PDXK: variants seen among roughly 807,000 people sequenced by gnomAD.
PDXK encodes the protein epididymis secretory sperm binding protein Li 1a.
In PDXK, 15 loss-of-function variants were observed where a neutral mutation model predicts 43.2. The ratio of observed to expected loss-of-function variants is 0.35; its 90% CI spans 0.23 to 0.53. The LOEUF is 0.53. PDXK is among the 20% of genes least tolerant of loss of function. PDXK has a pLI of 0.92. For synonymous variants in PDXK, 172 were observed against 165.4 expected, an observed-to-expected ratio of 1.04 and a Z score of -0.31; for missense variants, 343 against 417.0, an observed-to-expected ratio of 0.82 and a Z score of 1.54.
intron 8 of PDXK, among the ~76,000 whole-genome samples, chr21:43,753,137 C>T (rs570868439): frequency 2.9e-4 from 44 of 152,288 alleles, no homozygotes; most frequent in African/African-American, 1.1e-3. Flanking sequence ...CACAAATGCA[C>T]ATACGGGCAC....
intron 2 of PDXK, among the ~76,000 whole-genome samples, chr21:43,736,629 G>GTTTTTTT (rs34234452): frequency 2.3e-4 from 27 of 118,644 alleles, no homozygotes; most frequent in African/African-American, 9.1e-4. Flanking sequence ...TCCTTTTTCT[G>GTTTTTTT]TTTTTTTTTT....
chr21:43,724,570 G>A (rs1270655848), intron 1 of PDXK, among the ~76,000 whole-genome samples: 3 of 151,948 alleles, frequency 2.0e-5, no homozygotes, highest in East Asian at 1.9e-4. Flanking sequence ...GCCCAGGTGC[G>A]GTGGCTCACA....
In PDXK at chr21:43,723,675, CAG is replaced by C. The variant is rs1220762764; in HGVS notation, c.87+4298_87+4299del. The C allele has an allele frequency of 5.2e-5, 8 of 152,398 alleles. No homozygotes were observed. In the East Asian group the frequency reaches 1.5e-3, roughly 29 times the overall value. The allele number at this position is 152,398 out of a possible 1,614,324, so 9.4% of individuals were successfully genotyped here. A position where few individuals can be genotyped will look rare whatever the true frequency, so the allele number is the denominator to read the frequency against. On this transcript the variant is annotated intron_variant, in intron 1 of 10. Coordinates refer to ENST00000291565, the MANE Select transcript of PDXK (RefSeq NM_003681.5). This position sits in a 1 kb window ranked among gnomAD's most constrained non-coding sequence, Gnocchi z 4.1. ...CTGTGAGTCTCCAAACTGGGCTGTG[CAG>C]AGATTGTCCCAAGCACGTCTGAGGC...
In PDXK at chr21:43,743,761, G is replaced by A. The variant is rs770296820; in HGVS notation, c.285G>A (p.Val95=). Residue 95 remains valine, a synonymous_variant, in exon 4 of 11, where the codon GTG becomes GTA. Coordinates refer to ENST00000291565, the MANE Select transcript of PDXK (RefSeq NM_003681.5). ...ACAAGTCGTTCCTGGCCATGGTGGT[G>A]GACATTGTGCAGGAGCTGAAGCAGC... is the stretch of plus-strand genomic sequence containing the variant. ...TRDKSFLAMV[V]DIVQELKQQN... 8 of 1,613,832 alleles carry A rather than the reference G, an allele frequency of 5.0e-6. 1 individual carries two copies. In the South Asian group the frequency reaches 8.8e-5, roughly 18 times the overall value.
chr21:43,741,933 TG>T (rs1394874014), intron 3 of PDXK, among the ~76,000 whole-genome samples, 162 bp downstream of exon 3: 3 of 152,056 alleles, frequency 2.0e-5, no homozygotes, highest in Middle Eastern at 3.4e-3. Context: ...CCCGGTAGCC[TG>T]GGGGGTCCTG....
rs1471851092 is a variant in PDXK at position 43,735,562 on chromosome 21, C to T, written c.142+1439C>T. On this transcript the variant is annotated intron_variant, in intron 2 of 10. Coordinates refer to ENST00000291565, the MANE Select transcript of PDXK (RefSeq NM_003681.5). This position sits in a 1 kb window ranked among gnomAD's most constrained non-coding sequence, Gnocchi z 5.3. ...GACCCCAGGCGCTTGGGAGCCTCCA[C>T]AGTTGCAGAGCCAGGCAGACAGCCT... Among the ~76,000 whole-genome samples the T allele has an allele frequency of 1.3e-5, 2 of 152,220 alleles. No individual in the cohort carries two copies. The highest frequency in any genetic ancestry group is 2.4e-5 in the African/African-American group (1 of 41,450).
chr21:43,728,607 G>C (rs1601785705), intron 1 of PDXK: 2 of 560,452 alleles, frequency 3.6e-6, no homozygotes, highest in Non-Finnish European at 4.5e-6. Context: ...CTGTCTGCCT[G>C]TCTGCCTCGC....
chr21:43,719,307 T>C lies in PDXK; in HGVS notation c.13T>C (p.Cys5Arg). Residue 5 changes from cysteine to arginine, a missense_variant, in exon 1 of 11, where the codon TGC becomes CGC. Physicochemically the swap from Cys to Arg is radical, Grantham distance 180. Coordinates refer to ENST00000291565, the MANE Select transcript of PDXK (RefSeq NM_003681.5). The part of the protein sequence containing the change: MEEE[C>R]RVLSIQSHVI... ...GGCCAGGCCCGGCATGGAGGAGGAG[T>C]GCCGGGTGCTCTCCATACAGAGCCA... 7 of 1,488,204 alleles carry C rather than the reference T, an allele frequency of 4.7e-6. No homozygotes were observed. Among genetic ancestry groups the C allele is most frequent in the Non-Finnish European group, 6.3e-6 (7 of 1,119,308 alleles). 92.2% of individuals were successfully genotyped at this position (1,488,204 alleles called of 1,614,324 possible).
chr21:43,756,309 C>T lies in PDXK; in HGVS notation c.*246C>T, dbSNP rs573599993. ...CTTCCCCACAAGGCTCCTGGGCCTC[C>T]GGGAAGACGGGCCCCTGTTTGCCAT... On this transcript the variant is annotated 3_prime_UTR_variant, in exon 11 of 11. Transcript: ENST00000291565. The T allele has an allele frequency of 1.9e-4, 71 of 366,804 alleles. No individual in the cohort carries two copies. The highest frequency in any genetic ancestry group is 1.9e-3 in the South Asian group (61 of 31,642). The allele number at this position is 366,804 out of a possible 1,614,324, so 22.7% of individuals were successfully genotyped here. A position where few individuals can be genotyped will look rare whatever the true frequency, so the allele number is the denominator to read the frequency against.
Position 43,723,298 on chromosome 21 carries a change from G to T in PDXK, c.87+3917G>T, listed in dbSNP as rs1200581662. Among the ~76,000 whole-genome samples, 1 of 151,946 alleles carries T rather than the reference G, an allele frequency of 6.6e-6. No homozygotes were observed. Among genetic ancestry groups the T allele is most frequent in the Admixed American group, 6.6e-5 (1 of 15,234 alleles). On this transcript the variant is annotated intron_variant, in intron 1 of 10. Coordinates refer to ENST00000291565, the MANE Select transcript of PDXK (RefSeq NM_003681.5). This position sits in a 1 kb window ranked among gnomAD's most constrained non-coding sequence, Gnocchi z 4.1. ...GCCTCCTGAGTAGCTGGGATTACAA[G>T]TATGCACCACCACACCTGACTAATT...
intron 7 of PDXK, among the ~76,000 whole-genome samples, chr21:43,752,258 A>G (rs1295280666): frequency 2.0e-5 from 3 of 152,156 alleles, no homozygotes; most frequent in Admixed American, 2.0e-4. Context: ...TCCACCCCCC[A>G]AGGGGGAGGC....
intron 2 of PDXK, chr21:43,738,440 C>G (rs1397907138): frequency 1.3e-5 from 2 of 152,230 alleles, no homozygotes; most frequent in Non-Finnish European, 2.9e-5. Context: ...CGTTCTCACA[C>G]TGCTAATTGT....
At position 43,756,363 on chromosome 21, in the gene PDXK, G is replaced by A. The variant is rs2083851212; in HGVS notation, c.*300G>A. The stretch of plus-strand genomic sequence containing the variant: ...GGGGGTGTTCCCTGTGGGAGGGTGA[G>A]TGGGTGAGGCCGAGCCTGCTGCGTG... On this transcript the variant is annotated 3_prime_UTR_variant, in exon 11 of 11. Transcript: ENST00000291565. The A allele has an allele frequency of 6.0e-6, 2 of 332,512 alleles. No homozygotes were observed. Among genetic ancestry groups the A allele is most frequent in the Non-Finnish European group, 5.8e-6 (1 of 173,230 alleles). The allele number at this position is 332,512 out of a possible 1,614,324, so 20.6% of individuals were successfully genotyped here. A position where few individuals can be genotyped will look rare whatever the true frequency, so the allele number is the denominator to read the frequency against.
At chr21:43,736,211 C>T (rs1438723956) in intron 2 of PDXK, among the ~76,000 whole-genome samples, 1 of 152,128 alleles carries the variant, frequency 6.6e-6, no homozygotes, top group Non-Finnish European at 1.5e-5. Flanking sequence ...AAGCATTTTA[C>T]TGGTCCTGAT....
chr21:43,747,227 G>C (rs1055912325), intron 5 of PDXK: 4 of 152,296 alleles, frequency 2.6e-5, no homozygotes, highest in Admixed American at 6.5e-5. Flanking sequence ...GGATCAAGTG[G>C]ATGGAGAACA....
rs946378752 is a variant in PDXK at position 43,745,817 on chromosome 21, T to G, written c.332-262T>G. 5 of 486,406 alleles carry G rather than the reference T, an allele frequency of 1.0e-5. No individual in the cohort carries two copies. In the South Asian group the frequency reaches 1.3e-4, roughly 12 times the overall value. 30.1% of individuals were successfully genotyped at this position (486,406 alleles called of 1,614,324 possible). ...TTCAAAACCAGCCTCGGCAACATGG[T>G]GAGAACCCATCTGTACAAATCATTT... On this transcript the variant is annotated intron_variant, in intron 4 of 10. Coordinates refer to ENST00000291565, the MANE Select transcript of PDXK (RefSeq NM_003681.5).
intron 2 of PDXK, 106 bp from the exon 3 acceptor site, chr21:43,741,561 G>C (rs775616769): frequency 1.3e-6 from 2 of 1,536,864 alleles, no homozygotes; most frequent in Non-Finnish European, 1.7e-6. Context: ...ATGGGGAGGA[G>C]CCGTCCACCA....
chr21:43,733,383 A>G (rs1443024837), intron 1 of PDXK, among the ~76,000 whole-genome samples: 1 of 151,458 alleles, frequency 6.6e-6, no homozygotes, highest in African/African-American at 2.4e-5. Flanking sequence ...CAGCAGGGAG[A>G]GAGGGTTTGG....
intron 1 of PDXK, among the ~76,000 whole-genome samples, chr21:43,725,298 G>C (rs942058479): frequency 1.3e-5 from 2 of 152,018 alleles, no homozygotes; most frequent in Non-Finnish European, 1.5e-5. Flanking sequence ...ACTCCAGCAC[G>C]GGCGACAGAG....
Sources: allele counts gnomAD v4.1 joint callset (sites outside exome capture counted in the v4.1 genomes callset), GRCh38; gene constraint gnomAD v4.1.1; non-coding constraint Gnocchi (gnomAD v3.1); transcripts MANE v1.5; gene names NCBI Gene and HGNC (gene_info 2026-07-23, HGNC 2026-07-21).